The following MRAS variants were observed in gnomAD, a reference collection of about 807,000 sequenced individuals.
MRAS encodes the protein muscle RAS oncogene homolog.
Under a neutral mutation model 20.9 loss-of-function variants are expected in MRAS, and 4 were observed. The ratio of observed to expected loss-of-function variants is 0.19; its 90% CI spans 0.09 to 0.44. The LOEUF (loss-of-function observed/expected upper bound fraction) is 0.44, where lower values mean the gene tolerates loss of function less well. Ranked by LOEUF, MRAS falls within the 20% of genes least tolerant of loss-of-function variation. The probability of loss-of-function intolerance (pLI) is 0.99; values close to 1 mark genes in which losing one functional copy is unlikely to be tolerated. For missense variants in MRAS, 154 were observed against 277.5 expected (o/e 0.56, Z 3.16); for synonymous variants, 98 against 102.9 (o/e 0.95, Z 0.29).
At chr3:138,359,180 G>A (rs2054396054) in intron 1 of MRAS, among the ~76,000 whole-genome samples, 1 of 152,188 alleles carries the variant, frequency 6.6e-6, no homozygotes, top group African/African-American at 2.4e-5. Context: ...GTCATTTAGG[G>A]CTTGGGGAGG....
chr3:138,361,060 C>T (rs921861783), intron 1 of MRAS, among the ~76,000 whole-genome samples: 8 of 152,188 alleles, frequency 5.3e-5, no homozygotes, highest in African/African-American at 4.8e-5. Flanking sequence ...ATAATGGCTG[C>T]GGAGCACTTG....
At chr3:138,399,091 A>C (rs903388395) in intron 4 of MRAS, among the ~76,000 whole-genome samples, 3 of 152,222 alleles carry the variant, frequency 2.0e-5, no homozygotes, top group Non-Finnish European at 4.4e-5. Context: ...AGAGGCTCCA[A>C]AGCAGACCTC....
intron 1 of MRAS, among the ~76,000 whole-genome samples, chr3:138,362,167 G>T (rs1187933484): frequency 6.6e-6 from 1 of 152,176 alleles, no homozygotes; most frequent in Non-Finnish European, 1.5e-5. Flanking sequence ...TGCTCTGAAG[G>T]TTCTGTGGCC....
intron 1 of MRAS, among the ~76,000 whole-genome samples, chr3:138,368,050 T>C (rs1480128613): frequency 6.6e-6 from 1 of 152,252 alleles, no homozygotes; most frequent in Non-Finnish European, 1.5e-5. Flanking sequence ...GTGGTTGCCA[T>C]GGGAACCAGT....
chr3:138,400,837 G>T (rs1287262868), intron 5 of MRAS, among the ~76,000 whole-genome samples: 1 of 152,182 alleles, frequency 6.6e-6, no homozygotes, highest in African/African-American at 2.4e-5. Flanking sequence ...GATGTCTGCT[G>T]CACATGTTAA....
At chr3:138,359,516 C>G (rs1434770468) in intron 1 of MRAS, among the ~76,000 whole-genome samples, 1 of 152,202 alleles carries the variant, frequency 6.6e-6, no homozygotes, top group Non-Finnish European at 1.5e-5. Context: ...TATTTTTGGT[C>G]AAGCATAAAC....
chr3:138,372,315 A>G (rs138974983), intron 1 of MRAS, among the ~76,000 whole-genome samples: 4 of 152,256 alleles, frequency 2.6e-5, no homozygotes, highest in African/African-American at 9.6e-5. Context: ...TGTGTATAAT[A>G]CAGGGCAAGA....
chr3:138,399,705 C>T (rs1405694804), intron 4 of MRAS, among the ~76,000 whole-genome samples: 2 of 152,274 alleles, frequency 1.3e-5, no homozygotes, highest in African/African-American at 4.8e-5. Context: ...CCATCTGTCT[C>T]ATCAAGGGAG....
intron 2 of MRAS, among the ~76,000 whole-genome samples, chr3:138,374,321 G>A (rs1000535025): frequency 5.3e-5 from 8 of 152,016 alleles, no homozygotes; most frequent in African/African-American, 1.9e-4. Flanking sequence ...TTTTATACCT[G>A]TATCTGTATT....
intron 1 of MRAS, among the ~76,000 whole-genome samples, chr3:138,350,942 C>CA (rs66738068): frequency 0.029 from 1,996 of 67,680 alleles, 58 homozygotes; most frequent in Admixed American, 0.12. Flanking sequence ...GACCCTGTCT[C>CA]AAAAAAAAAA....
chr3:138,380,661 G>A (rs1448155886), intron 2 of MRAS, among the ~76,000 whole-genome samples: 1 of 151,980 alleles, frequency 6.6e-6, no homozygotes, highest in Non-Finnish European at 1.5e-5. Context: ...TCATTTGAGT[G>A]CTATGATAAG....
chr3:138,354,162 G>A lies in MRAS; in HGVS notation c.-19+5395G>A, dbSNP rs1000769753. ...GGCAAAGAGAGGCAGCGAGTCCCTCGCTGGCAGGAGTCTTCCCTGACTGTC... is the reference window on the plus strand; with the variant it reads ...GGCAAAGAGAGGCAGCGAGTCCCTCACTGGCAGGAGTCTTCCCTGACTGTC... On this transcript the variant is annotated intron_variant, in intron 1 of 5. Transcript: ENST00000423968. 5.9e-5 allele frequency among the ~76,000 whole-genome samples: 9 copies of A among 152,196 alleles called. No individual in the cohort carries two copies. The East Asian group carries it at 1.7e-3, about 29-fold the overall frequency.
intron 2 of MRAS, 49 bp downstream of exon 2, chr3:138,373,125 G>A: frequency 7.3e-6 from 10 of 1,362,118 alleles, no homozygotes; most frequent in Non-Finnish European, 9.6e-6. Context: ...TAGATGGGGA[G>A]GATCAGGGAA....
At chr3:138,353,948 G>A (rs566826526) in intron 1 of MRAS, among the ~76,000 whole-genome samples, 79 of 152,328 alleles carry the variant, frequency 5.2e-4, no homozygotes, top group African/African-American at 1.7e-3. Flanking sequence ...CCGTTAGACC[G>A]TGCTGTTCCC....
chr3:138,376,643 A>T (rs1264963755), intron 2 of MRAS, among the ~76,000 whole-genome samples: 1 of 152,262 alleles, frequency 6.6e-6, no homozygotes, highest in African/African-American at 2.4e-5. Context: ...ATTAAAACTT[A>T]CATCTGTGCA....
At chr3:138,391,017 TTC>T (rs1321461022) in intron 2 of MRAS, among the ~76,000 whole-genome samples, 17 of 152,334 alleles carry the variant, frequency 1.1e-4, no homozygotes, top group African/African-American at 4.1e-4. Flanking sequence ...TTGTCTTTTT[TTC>T]TCTGATAAGA....
intron 1 of MRAS, among the ~76,000 whole-genome samples, chr3:138,364,076 T>G (rs2054512097): frequency 6.6e-6 from 1 of 152,170 alleles, no homozygotes; most frequent in African/African-American, 2.4e-5. Flanking sequence ...GAGGGCTTGC[T>G]TTCCTGGGAC....
rs77225299 is a variant in MRAS at position 138,377,008 on chromosome 3, T to C, written c.193+3932T>C. ...TTCCTGAGTACCTTTGGATGTTAAA[T>C]TGGTTTCTGAGGAAAAATGTTTTCC... On this transcript the variant is annotated intron_variant, in intron 2 of 5. Transcript: ENST00000423968. Among the ~76,000 whole-genome samples, 645 of 152,320 alleles carry C rather than the reference T, an allele frequency of 4.2e-3. 13 individuals carry two copies. Among genetic ancestry groups the C allele is most frequent in the East Asian group, 0.013 (67 of 5,190 alleles).
At chr3:138,370,974 A>C (rs1456903928) in intron 1 of MRAS, among the ~76,000 whole-genome samples, 1 of 152,122 alleles carries the variant, frequency 6.6e-6, no homozygotes, top group South Asian at 2.1e-4. Flanking sequence ...TTCCTTTTAA[A>C]TGACTGCATA....
Sources: allele counts gnomAD v4.1 joint callset (sites outside exome capture counted in the v4.1 genomes callset), GRCh38; gene constraint gnomAD v4.1.1; transcripts MANE v1.5; gene names NCBI Gene and HGNC (gene_info 2026-07-23, HGNC 2026-07-21).